TNS1: variants seen among roughly 807,000 people sequenced by gnomAD.
TNS1 encodes the protein tensin-1.
A neutral mutation model predicts 168.6 loss-of-function variants in TNS1; 62 were observed. The ratio of observed to expected loss-of-function variants is 0.37; its 90% CI spans 0.30 to 0.45. The LOEUF is 0.45. Ranked by LOEUF, TNS1 falls within the 20% of genes least tolerant of loss-of-function variation. The pLI, the probability that TNS1 is intolerant of heterozygous loss-of-function variation, is 1.00. For synonymous variants in TNS1, 934 were observed against 933.2 expected, an observed-to-expected ratio of 1.00 and a Z score of -0.02; for missense variants, 2,240 against 2,339.4, an observed-to-expected ratio of 0.96 and a Z score of 0.88.
rs373494128 is a variant in TNS1 at position 217,996,995 on chromosome 2, G to A, written c.33+5845C>T. Reference sequence around the variant, plus strand: ...CCTGTGTCCACCCAGGCTGCTCCACGCTCTCCAGCCACCCGCCACCCCACT... The same window carrying A: ...CCTGTGTCCACCCAGGCTGCTCCACACTCTCCAGCCACCCGCCACCCCACT... On this transcript the variant is annotated intron_variant, in intron 1 of 32. Coordinates refer to ENST00000682258, the MANE Select transcript of TNS1 (RefSeq NM_001387777.1). Among the ~76,000 whole-genome samples, 14 of 148,022 alleles carry A rather than the reference G, an allele frequency of 9.5e-5. No individual in the cohort carries two copies. The East Asian group carries it at 1.7e-3, about 18-fold the overall frequency.
In TNS1 at chr2:217,873,431, C is replaced by A. The variant is rs151138453; in HGVS notation, c.1429+7467G>T. On this transcript the variant is annotated intron_variant, in intron 18 of 32. Transcript: ENST00000682258. ...CAGAGACTCAGCAGGTACCTGCGGG[C>A]GCATGGAGGATGTGAAAGACAGGGG... is the stretch of plus-strand genomic sequence containing the variant. 2.5e-3 allele frequency among the ~76,000 whole-genome samples: 375 copies of A among 152,214 alleles called. 1 individual carries two copies. Among genetic ancestry groups the A allele is most frequent in the Admixed American group, 6.7e-3 (103 of 15,296 alleles).
Position 217,885,099 on chromosome 2 carries a change from G to A in TNS1, c.1182C>T (p.His394=), listed in dbSNP as rs1574947846. Residue 394 remains histidine, a synonymous_variant, in exon 16 of 33, where the codon CAC becomes CAT. Transcript: ENST00000682258. ...CCCCCAGGTCATGGATGGCACAGGTGTGGAACTGCACACGGAAGATGACGT... is the reference window on the plus strand; with the variant it reads ...CCCCCAGGTCATGGATGGCACAGGTATGGAACTGCACACGGAAGATGACGT... ...ARDVIFRVQF[H]TCAIHDLGVV... is the part of the protein sequence containing the mutation. The A allele has an allele frequency of 1.2e-6, 2 of 1,614,248 alleles. No individual in the cohort carries two copies. Among genetic ancestry groups the A allele is most frequent in the East Asian group, 2.2e-5 (1 of 44,884 alleles).
chr2:218,030,432 A>AGTCTGT (rs1309434168), intron 1 of TNS1, among the ~76,000 whole-genome samples: 4 of 152,170 alleles, frequency 2.6e-5, no homozygotes, highest in African/African-American at 4.8e-5. Context: ...ACTTGTTTGC[A>AGTCTGT]GTCTGTTCCA....
Position 218,000,853 on chromosome 2 carries a change from G to A in TNS1, c.33+1987C>T, listed in dbSNP as rs139923141. On this transcript the variant is annotated intron_variant, in intron 1 of 32. Transcript: ENST00000682258. ...CAGGGGAGGGACACAGGCTTTTCTAGTCTTAAAGACACTCAAGGCCAGGCG... is the reference window on the plus strand; with the variant it reads ...CAGGGGAGGGACACAGGCTTTTCTAATCTTAAAGACACTCAAGGCCAGGCG... Among the ~76,000 whole-genome samples, 45 of 152,242 alleles carry A rather than the reference G, an allele frequency of 3.0e-4. 2 individuals are homozygous for A. The East Asian group carries it at 6.8e-3, about 23-fold the overall frequency.
intron 22 of TNS1, among the ~76,000 whole-genome samples, chr2:217,827,258 T>C (rs1323381894): frequency 1.3e-5 from 2 of 152,210 alleles, no homozygotes; most frequent in Non-Finnish European, 2.9e-5. Flanking sequence ...ATGTAAAGTG[T>C]TTCGCACAGC....
intron 12 of TNS1, among the ~76,000 whole-genome samples, chr2:217,888,701 TC>T (rs994959159): frequency 1.5e-4 from 23 of 152,332 alleles, no homozygotes; most frequent in African/African-American, 5.3e-4. Flanking sequence ...CCCTCTCTCT[TC>T]TCTTGTCTGT....
Position 217,817,796 on chromosome 2 carries a change from A to T in TNS1, c.4536T>A (p.Asn1512Lys), listed in dbSNP as rs1161858564. The T allele has an allele frequency of 6.2e-7, 1 of 1,614,088 alleles. No individual in the cohort carries two copies. Among genetic ancestry groups the T allele is most frequent in the African/African-American group, 1.3e-5 (1 of 74,926 alleles). ...TGGCGACAGGCGAAGACACCTTCCC[A>T]TTGATGGTGGCATAGTTGGGGAGGC... ...AGSLPNYATI[N>K]GKVSSPVASG... The change falls in exon 24 of 33, where the codon AAT becomes AAA. Residue 1512 changes from asparagine to lysine, a missense_variant. Physicochemically the swap from Asn to Lys is moderately conservative, Grantham distance 94. This residue lies in a region of TNS1 where 2,131 missense variants were observed against 2,171.2 expected (regional missense o/e 0.98). Coordinates refer to ENST00000682258, the MANE Select transcript of TNS1 (RefSeq NM_001387777.1).
chr2:217,893,777 G>A (rs761222154), intron 9 of TNS1, among the ~76,000 whole-genome samples: 2 of 152,230 alleles, frequency 1.3e-5, no homozygotes, highest in Non-Finnish European at 2.9e-5. Context: ...CCCTGGTCCC[G>A]GGTCTTGGCC....
intron 2 of TNS1, among the ~76,000 whole-genome samples, chr2:217,981,489 C>CTTCCTGTT (rs1958047489): frequency 1.3e-5 from 2 of 152,234 alleles, no homozygotes; most frequent in South Asian, 4.1e-4. Flanking sequence ...ATGCTGAGTG[C>CTTCCTGTT]TTCCTGTACA....
intron 3 of TNS1, among the ~76,000 whole-genome samples, chr2:217,932,776 G>A (rs1170425799): frequency 3.3e-5 from 5 of 152,158 alleles, no homozygotes; most frequent in Admixed American, 6.5e-5. Flanking sequence ...AAAATCCACC[G>A]TTTTTCCTGA....
intron 22 of TNS1, among the ~76,000 whole-genome samples, chr2:217,824,075 C>G (rs1490615819): frequency 6.6e-6 from 1 of 152,240 alleles, no homozygotes; most frequent in Non-Finnish European, 1.5e-5. Context: ...AAGGCTGTCA[C>G]TGTTGCAACT....
At chr2:218,010,445 G>C (rs866869876), upstream of TNS1, 11 of 368,640 alleles carry the variant, frequency 3.0e-5, no homozygotes, top group African/African-American at 2.1e-4. Context: ...CCCCCACGGG[G>C]CGCGGGCAGC....
At chr2:217,895,182 C>A (rs1481168685) in intron 8 of TNS1, 126 bp from the exon 9 acceptor site, 2 of 910,514 alleles carry the variant, frequency 2.2e-6, no homozygotes, top group Non-Finnish European at 3.5e-6. Context: ...CTCTGAAGAG[C>A]CCACGACAGC....
At chr2:217,951,415 G>A (rs1957238047) in intron 3 of TNS1, among the ~76,000 whole-genome samples, 1 of 152,188 alleles carries the variant, frequency 6.6e-6, no homozygotes. Context: ...AGAGCTTTGT[G>A]GGGATTAACT....
chr2:217,860,064 C>T (rs1216486195), intron 18 of TNS1, among the ~76,000 whole-genome samples: 1 of 152,182 alleles, frequency 6.6e-6, no homozygotes, highest in Admixed American at 6.5e-5. Flanking sequence ...AAAATGCTTC[C>T]ACAGACACAG....
At position 217,804,356 on chromosome 2, in the gene TNS1, T is replaced by C. The variant is rs557589632; in HGVS notation, c.*103A>G. The C allele has an allele frequency of 4.9e-5, 71 of 1,459,276 alleles. No homozygotes were observed. In the African/African-American group the frequency reaches 8.5e-4, roughly 18 times the overall value. 90.4% of individuals were successfully genotyped at this position (1,459,276 alleles called of 1,614,324 possible). Reference sequence around the variant, plus strand: ...TGCACTTTCTTCTCTCCTCCGAAATTGGCCCAAAGTCCTCCTTCTGGGTTC... The same window carrying C: ...TGCACTTTCTTCTCTCCTCCGAAATCGGCCCAAAGTCCTCCTTCTGGGTTC... On this transcript the variant is annotated 3_prime_UTR_variant, in exon 33 of 33. Transcript: ENST00000682258.
intron 1 of TNS1, among the ~76,000 whole-genome samples, chr2:218,016,917 A>T (rs1958766551): frequency 6.6e-6 from 1 of 152,206 alleles, no homozygotes; most frequent in Non-Finnish European, 1.5e-5. Context: ...GTGGCAGTGA[A>T]GGGCCAGCAT....
Position 217,821,946 on chromosome 2 carries a change from G to A in TNS1, c.3374-8C>T, listed in dbSNP as rs781133504. The A allele has an allele frequency of 3.2e-6, 5 of 1,577,228 alleles. No individual in the cohort carries two copies. In the Admixed American group the frequency reaches 7.3e-5, roughly 23 times the overall value. On this transcript the variant is annotated splice_polypyrimidine_tract_variant and splice_region_variant and intron_variant, in intron 22 of 32. Transcript: ENST00000682258. ...CCACATAGCTCCGGGGCTCTGGAAG[G>A]GGCAAGAGGACAGAGACACTGAGCA...
At chr2:217,869,250 G>C (rs1177487524) in intron 18 of TNS1, among the ~76,000 whole-genome samples, 2 of 152,206 alleles carry the variant, frequency 1.3e-5, no homozygotes, top group Admixed American at 1.3e-4. Flanking sequence ...CAGGGAGGAT[G>C]CCGCCTCTCC....
Sources: gnomAD v4.1 joint callset for allele counts (sites outside exome capture counted in the v4.1 genomes callset) on GRCh38, gnomAD v4.1.1 for gene constraint, gnomAD v4.1.1 regional missense constraint, MANE v1.5 for transcripts, NCBI Gene and HGNC (gene_info 2026-07-23, HGNC 2026-07-21) for gene names.